SMIM13: variants seen among roughly 807,000 people sequenced by gnomAD.
The protein encoded by SMIM13 is UPF0766 protein C6orf228.
Under a neutral mutation model 5.9 loss-of-function variants are expected in SMIM13, and 3 were observed. That is an observed-to-expected ratio of 0.51 (90% CI 0.23 to 1.31). The LOEUF (loss-of-function observed/expected upper bound fraction) is 1.31, where lower values mean the gene tolerates loss of function less well. Among genes scored for constraint, SMIM13 ranks in the 40% most tolerant of loss-of-function variants. SMIM13 has a pLI of 0.18. For missense variants in SMIM13, 85 were observed against 109.9 expected (o/e 0.77, Z 1.01); for synonymous variants, 55 against 46.0 (o/e 1.19, Z -0.79).
At chr6:11,115,987 G>C (rs1416679889) in intron 1 of SMIM13, among the ~76,000 whole-genome samples, 1 of 146,214 alleles carries the variant, frequency 6.8e-6, no homozygotes, top group Non-Finnish European at 1.5e-5. Context: ...ATGCCCTGCC[G>C]GCCGGCCTTC....
intron 1 of SMIM13, chr6:11,103,585 C>G (rs929832498): frequency 7.0e-7 from 1 of 1,433,228 alleles, no homozygotes; most frequent in African/African-American, 1.4e-5. Flanking sequence ...GCTGTCAGGG[C>G]AGGATGGCTC....
intron 1 of SMIM13, chr6:11,103,423 A>G (rs1054720930): frequency 7.0e-6 from 3 of 426,412 alleles, no homozygotes; most frequent in African/African-American, 5.9e-5. Flanking sequence ...TGCCCTGCTC[A>G]TGTCTGACTA....
At chr6:11,123,192 G>A (rs1264271081) in intron 1 of SMIM13, among the ~76,000 whole-genome samples, 1 of 152,128 alleles carries the variant, frequency 6.6e-6, no homozygotes, top group African/African-American at 2.4e-5. Flanking sequence ...TAGAAAGCTG[G>A]GGGGAGGAGG....
intron 1 of SMIM13, among the ~76,000 whole-genome samples, chr6:11,106,670 G>C (rs1355669713): frequency 1.3e-5 from 2 of 152,226 alleles, no homozygotes; most frequent in Non-Finnish European, 2.9e-5. Context: ...TCACTGGGGA[G>C]AGAGATGAGC....
chr6:11,104,974 T>C (rs1581912179), intron 1 of SMIM13: 1 of 1,614,188 alleles, frequency 6.2e-7, no homozygotes, highest in East Asian at 2.2e-5. Flanking sequence ...TTAGTAAAGA[T>C]GGGTCCGAAA....
intron 1 of SMIM13, chr6:11,105,357 C>T: frequency 7.0e-7 from 1 of 1,432,546 alleles, no homozygotes; most frequent in Non-Finnish European, 9.6e-7. Context: ...CAATGGAACT[C>T]CTGGTGGTGT....
intron 1 of SMIM13, chr6:11,102,551 A>G (rs1384066650): frequency 2.0e-5 from 3 of 152,228 alleles, no homozygotes; most frequent in African/African-American, 7.2e-5. Context: ...CCAAACTGCA[A>G]GCAACTGGGT....
chr6:11,116,008 C>CTTTT lies in SMIM13; in HGVS notation c.77-18369_77-18366dup, dbSNP rs35527082. 8.9e-5 allele frequency among the ~76,000 whole-genome samples: 7 copies of CTTTT among 78,530 alleles called. 1 individual carries two copies. Among genetic ancestry groups the CTTTT allele is most frequent in the African/African-American group, 2.1e-4 (4 of 19,234 alleles). The allele number at this position is 78,530 out of a possible 152,430, so 51.5% of individuals were successfully genotyped here. A position where few individuals can be genotyped will look rare whatever the true frequency, so the allele number is the denominator to read the frequency against. On this transcript the variant is annotated intron_variant, in intron 1 of 1. Transcript: ENST00000416247. The stretch of plus-strand genomic sequence containing the variant: ...TGCCGGCCGGCCTTCCTTCCTTCCT[C>CTTTT]TTTTTTTTTTTTTTTTTTTTTTTTT...
chr6:11,102,971 T>A (rs1299151424), intron 1 of SMIM13: 1 of 152,232 alleles, frequency 6.6e-6, no homozygotes, highest in Non-Finnish European at 1.5e-5. Context: ...TGGTAGGCCC[T>A]TGACTTGGGG....
chr6:11,115,349 G>A (rs1758223394), intron 1 of SMIM13, among the ~76,000 whole-genome samples: 1 of 152,156 alleles, frequency 6.6e-6, no homozygotes. Flanking sequence ...GTGTTGGCCT[G>A]GCTGCGTTCC....
chr6:11,129,142 T>C (rs1419398678), intron 1 of SMIM13, among the ~76,000 whole-genome samples: 1 of 151,992 alleles, frequency 6.6e-6, no homozygotes, highest in Non-Finnish European at 1.5e-5. Flanking sequence ...TCCTCTCTAA[T>C]TGTATTTTTA....
chr6:11,126,889 G>T (rs895868571), intron 1 of SMIM13, among the ~76,000 whole-genome samples: 3 of 152,164 alleles, frequency 2.0e-5, no homozygotes, highest in Non-Finnish European at 4.4e-5. Flanking sequence ...TTGCAGACTT[G>T]TAGAGTCACC....
At chr6:11,097,479 A>G (rs1181502540) in intron 1 of SMIM13, among the ~76,000 whole-genome samples, 1 of 151,066 alleles carries the variant, frequency 6.6e-6, no homozygotes, top group Non-Finnish European at 1.5e-5. Flanking sequence ...AACATGGCGA[A>G]TCCCCGTCTG....
intron 1 of SMIM13, chr6:11,105,811 A>T (rs899323738): frequency 1.4e-4 from 21 of 155,152 alleles, no homozygotes; most frequent in Admixed American, 1.0e-3. Context: ...AGAGCCTGTT[A>T]GAAGCCTGCT....
At chr6:11,117,195 G>C (rs371712366) in intron 1 of SMIM13, among the ~76,000 whole-genome samples, 1 of 125,924 alleles carries the variant, frequency 7.9e-6, no homozygotes, top group Admixed American at 7.8e-5. Flanking sequence ...ACGGAGTCTC[G>C]CTCTGTCGCC....
intron 1 of SMIM13, among the ~76,000 whole-genome samples, chr6:11,106,769 C>G (rs528333484): frequency 2.6e-5 from 4 of 152,260 alleles, no homozygotes; most frequent in Admixed American, 6.5e-5. Context: ...TCATTAGAGC[C>G]CCTTTGGTGT....
At chr6:11,103,751 G>A in intron 1 of SMIM13, 1 of 1,551,668 alleles carries the variant, frequency 6.4e-7, no homozygotes, top group Non-Finnish European at 8.7e-7. Context: ...GATTCGTCTG[G>A]AGCTTTATGG....
chr6:11,105,861 T>C (rs1369689769), intron 1 of SMIM13, among the ~76,000 whole-genome samples: 1 of 152,130 alleles, frequency 6.6e-6, no homozygotes, highest in African/African-American at 2.4e-5. Flanking sequence ...AGTTTCTTCA[T>C]CTAGTAATGA....
At chr6:11,120,664 G>A (rs1441360300) in intron 1 of SMIM13, among the ~76,000 whole-genome samples, 1 of 152,198 alleles carries the variant, frequency 6.6e-6, no homozygotes, top group Admixed American at 6.5e-5. Context: ...TTGTGTTTCA[G>A]TCATACTGTC....
Sources: gnomAD v4.1 joint callset for allele counts (sites outside exome capture counted in the v4.1 genomes callset) on GRCh38, gnomAD v4.1.1 for gene constraint, MANE v1.5 for transcripts, NCBI Gene and HGNC (gene_info 2026-07-23, HGNC 2026-07-21) for gene names.